Variants in UBE2E2 observed in about 807,000 individuals in gnomAD.
The protein encoded by UBE2E2 is ubiquitin-conjugating enzyme E2 E2.
A neutral mutation model predicts 24.7 loss-of-function variants in UBE2E2; 6 were observed. The ratio of observed to expected loss-of-function variants is 0.24; its 90% CI spans 0.13 to 0.48. UBE2E2 has a LOEUF of 0.48. UBE2E2 is among the 20% of genes least tolerant of loss of function. UBE2E2 has a pLI of 0.99. For missense variants in UBE2E2, 169 were observed against 245.0 expected, an observed-to-expected ratio of 0.69 and a Z score of 2.07; for synonymous variants, 104 against 83.6, an observed-to-expected ratio of 1.24 and a Z score of -1.33.
intron 3 of UBE2E2, among the ~76,000 whole-genome samples, chr3:23,332,567 A>G (rs1325321033): frequency 1.3e-5 from 2 of 152,204 alleles, no homozygotes; most frequent in East Asian, 3.8e-4. Flanking sequence ...AAGAAAAGTT[A>G]ATAGGATTTA....
At chr3:23,554,679 A>G (rs6781388) in intron 5 of UBE2E2, among the ~76,000 whole-genome samples, 39,368 of 152,018 alleles carry the variant, frequency 0.26, 5,568 homozygotes, top group East Asian at 0.37. Flanking sequence ...GATTTCTTGA[A>G]CATCACACCA....
chr3:23,558,381 CAT>C (rs1377809815), intron 5 of UBE2E2, among the ~76,000 whole-genome samples: 1 of 152,132 alleles, frequency 6.6e-6, no homozygotes, highest in Non-Finnish European at 1.5e-5. Context: ...CCTGGGCAAA[CAT>C]AGATGTACAG....
chr3:23,228,245 A>AT (rs1473535175), intron 3 of UBE2E2, among the ~76,000 whole-genome samples: 6 of 152,078 alleles, frequency 3.9e-5, no homozygotes, highest in Admixed American at 2.0e-4. Flanking sequence ...TGGTCTTTGA[A>AT]TTTTTTTTAA....
At chr3:23,272,412 GGGCT>G (rs72108585) in intron 3 of UBE2E2, among the ~76,000 whole-genome samples, 14,287 of 152,072 alleles carry the variant, frequency 0.094, 1,186 homozygotes, top group Admixed American at 0.25. Context: ...CAAGCAGAGG[GGGCT>G]GGCTCCATAC....
intron 3 of UBE2E2, among the ~76,000 whole-genome samples, chr3:23,363,214 T>C (rs13063986): frequency 0.1 from 15,600 of 152,228 alleles, 931 homozygotes; most frequent in East Asian, 0.13. Context: ...GAACGTAGAC[T>C]AGTAATGCTA....
At chr3:23,417,228 G>A (rs1354865900) in intron 3 of UBE2E2, among the ~76,000 whole-genome samples, 1 of 152,132 alleles carries the variant, frequency 6.6e-6, no homozygotes. Context: ...CCTTCAGATG[G>A]GGTTTCTGTG....
At chr3:23,358,058 G>C (rs1309156521) in intron 3 of UBE2E2, among the ~76,000 whole-genome samples, 1 of 152,092 alleles carries the variant, frequency 6.6e-6, no homozygotes, top group African/African-American at 2.4e-5. Context: ...CTGGTCTCGA[G>C]CTCTTGGGCT....
chr3:23,252,840 A>G (rs1301617456), intron 3 of UBE2E2, among the ~76,000 whole-genome samples: 4 of 152,180 alleles, frequency 2.6e-5, no homozygotes, highest in African/African-American at 9.7e-5. Context: ...CCGCAGTAGA[A>G]AGAACACATC....
At chr3:23,510,054 A>G (rs938782042) in intron 4 of UBE2E2, among the ~76,000 whole-genome samples, 7 of 152,042 alleles carry the variant, frequency 4.6e-5, no homozygotes, top group African/African-American at 1.7e-4. Flanking sequence ...TTTTCTTTTC[A>G]TTAGAGTTGG....
intron 3 of UBE2E2, among the ~76,000 whole-genome samples, chr3:23,480,721 A>C (rs2125441919): frequency 6.6e-6 from 1 of 152,318 alleles, no homozygotes. Context: ...AAAATTGCTT[A>C]GTACAGAAAA....
intron 5 of UBE2E2, among the ~76,000 whole-genome samples, chr3:23,586,761 TAAA>T (rs1696636112): frequency 1.3e-5 from 2 of 152,206 alleles, no homozygotes; most frequent in Admixed American, 1.3e-4. Flanking sequence ...CCCAAACATC[TAAA>T]AACAGGAAAT....
Position 23,590,908 on chromosome 3 carries a change from A to T in UBE2E2, c.*1077A>T, listed in dbSNP as rs965754461. 1 of 152,218 alleles carries T rather than the reference A, an allele frequency of 6.6e-6. No homozygotes were observed. The highest frequency in any genetic ancestry group is 1.5e-5 in the Non-Finnish European group (1 of 68,050). The allele number at this position is 152,218 out of a possible 1,614,324, so 9.4% of individuals were successfully genotyped here. A position where few individuals can be genotyped will look rare whatever the true frequency, so the allele number is the denominator to read the frequency against. ...TCTGAGCTAATCATTGTGTTCAGCCACTTTCAACTTTATTTCTCTCAAAAT... is the reference window on the plus strand; with the variant it reads ...TCTGAGCTAATCATTGTGTTCAGCCTCTTTCAACTTTATTTCTCTCAAAAT... On this transcript the variant is annotated 3_prime_UTR_variant, in exon 6 of 6. Transcript: ENST00000396703.
chr3:23,308,206 T>C (rs531853077), intron 3 of UBE2E2, among the ~76,000 whole-genome samples: 137 of 152,324 alleles, frequency 9.0e-4, no homozygotes, highest in Admixed American at 1.9e-3. Flanking sequence ...TTTGGAATTA[T>C]TGTCAGGATT....
In UBE2E2 at chr3:23,560,108, C is replaced by T. The variant is rs1038039359; in HGVS notation, c.508+27407C>T. Among the ~76,000 whole-genome samples, 3 of 152,084 alleles carry T rather than the reference C, an allele frequency of 2.0e-5. No homozygotes were observed. The East Asian group carries it at 5.8e-4, about 29-fold the overall frequency. Reference sequence around the variant, plus strand: ...TAAGTTCTAGGGTACATGTGCACAACGTGCAGGTTTGTTACATATATATAC... The same window carrying T: ...TAAGTTCTAGGGTACATGTGCACAATGTGCAGGTTTGTTACATATATATAC... On this transcript the variant is annotated intron_variant, in intron 5 of 5. Transcript: ENST00000396703.
At chr3:23,233,706 A>C (rs1028993877) in intron 3 of UBE2E2, among the ~76,000 whole-genome samples, 2 of 152,166 alleles carry the variant, frequency 1.3e-5, no homozygotes, top group African/African-American at 4.8e-5. Flanking sequence ...AATGGACCCC[A>C]AAGAGAACAT....
At chr3:23,344,052 C>G (rs955062429) in intron 3 of UBE2E2, among the ~76,000 whole-genome samples, 1 of 152,098 alleles carries the variant, frequency 6.6e-6, no homozygotes, top group Non-Finnish European at 1.5e-5. Flanking sequence ...CAAGTGAACT[C>G]TCTTTAAATT....
intron 3 of UBE2E2, among the ~76,000 whole-genome samples, chr3:23,273,560 T>G (rs1392521101): frequency 6.6e-6 from 1 of 151,644 alleles, no homozygotes; most frequent in Non-Finnish European, 1.5e-5. Context: ...AGAAATGATG[T>G]ACAGCAGGTC....
intron 3 of UBE2E2, among the ~76,000 whole-genome samples, chr3:23,360,859 T>C: frequency 6.6e-6 from 1 of 151,758 alleles, no homozygotes; most frequent in Middle Eastern, 3.2e-3. Context: ...ACTAAAAAGC[T>C]TCTGCACACC....
chr3:23,392,685 C>G (rs932328796), intron 3 of UBE2E2, among the ~76,000 whole-genome samples: 4 of 152,046 alleles, frequency 2.6e-5, no homozygotes, highest in African/African-American at 9.7e-5. Context: ...AGTTTTAGAG[C>G]AGAATATTGC....
Sources: allele counts gnomAD v4.1 joint callset (sites outside exome capture counted in the v4.1 genomes callset), GRCh38; gene constraint gnomAD v4.1.1; transcripts MANE v1.5; gene names NCBI Gene and HGNC (gene_info 2026-07-23, HGNC 2026-07-21).